The following NTM variants were observed in gnomAD, a reference collection of about 807,000 sequenced individuals.
NTM encodes the protein IgLON family member 2.
A neutral mutation model predicts 42.1 loss-of-function variants in NTM; 13 were observed. That is an observed-to-expected ratio of 0.31 (90% confidence interval 0.20 to 0.49). The LOEUF (loss-of-function observed/expected upper bound fraction) is 0.49. NTM is among the 20% of genes least tolerant of loss of function. The pLI is 0.99. For missense variants in NTM, 373 were observed against 452.8 expected (o/e 0.82, Z 1.60); for synonymous variants, 187 against 179.2 (o/e 1.04, Z -0.35).
intron 1 of NTM, among the ~76,000 whole-genome samples, chr11:131,464,368 G>GGC (rs918746412): frequency 2.0e-5 from 3 of 152,004 alleles, no homozygotes; most frequent in African/African-American, 7.3e-5. Context: ...CTGGGGGGGG[G>GGC]GCAGCAACAA....
chr11:131,634,394 CT>C (rs967413981), intron 1 of NTM, among the ~76,000 whole-genome samples: 53 of 104,988 alleles, frequency 5.0e-4, no homozygotes, highest in African/African-American at 1.4e-3. Context: ...TTCAAGCCCC[CT>C]GGAAAAAAAA....
At chr11:131,669,519 G>A (rs1291314610) in intron 1 of NTM, among the ~76,000 whole-genome samples, 1 of 152,204 alleles carries the variant, frequency 6.6e-6, no homozygotes, top group Non-Finnish European at 1.5e-5. Flanking sequence ...GAGCTGGAAG[G>A]CATGTTAGGG....
chr11:131,406,368 C>CTTTTT (rs1945816646), intron 1 of NTM, among the ~76,000 whole-genome samples: 1 of 152,180 alleles, frequency 6.6e-6, no homozygotes, highest in African/African-American at 2.4e-5. Context: ...ATTTAGTGGC[C>CTTTTT]ATATTAAAAT....
intron 2 of NTM, among the ~76,000 whole-genome samples, chr11:132,083,510 A>G (rs966870958): frequency 2.6e-5 from 4 of 152,216 alleles, no homozygotes; most frequent in East Asian, 1.9e-4. Context: ...AAATATACCT[A>G]TGAGTTGGGT....
At chr11:132,203,964 A>C (rs575746328) in intron 3 of NTM, among the ~76,000 whole-genome samples, 1 of 152,302 alleles carries the variant, frequency 6.6e-6, no homozygotes, top group East Asian at 1.9e-4. Context: ...ATGTCCTTGA[A>C]CAAGTTCCTT....
intron 1 of NTM, among the ~76,000 whole-genome samples, chr11:131,397,783 T>C (rs1173153528): frequency 1.3e-5 from 2 of 152,194 alleles, no homozygotes; most frequent in Admixed American, 6.5e-5. Flanking sequence ...TTCCAGTCTT[T>C]GTACGTGTCC....
intron 1 of NTM, among the ~76,000 whole-genome samples, chr11:131,844,053 T>C (rs1016906811): frequency 2.0e-5 from 3 of 152,164 alleles, no homozygotes; most frequent in Admixed American, 1.3e-4. Context: ...TTTTCTTTGA[T>C]GAGTTTGTGG....
intron 1 of NTM, among the ~76,000 whole-genome samples, chr11:131,540,109 A>G (rs1233105699): frequency 6.6e-6 from 1 of 151,278 alleles, no homozygotes; most frequent in Non-Finnish European, 1.5e-5. Context: ...TAGCAACTCA[A>G]CATTTCTGAA....
At chr11:132,078,073 C>T (rs922414626) in intron 2 of NTM, among the ~76,000 whole-genome samples, 2 of 152,108 alleles carry the variant, frequency 1.3e-5, no homozygotes, top group African/African-American at 4.8e-5. Flanking sequence ...ATTTTCTTGC[C>T]CCACACGAGG....
chr11:131,538,232 A>T (rs2052587903), intron 1 of NTM: 1 of 152,194 alleles, frequency 6.6e-6, no homozygotes, highest in African/African-American at 2.4e-5. Flanking sequence ...ACAGGACTGT[A>T]GAATGTTACA....
intron 2 of NTM, among the ~76,000 whole-genome samples, chr11:131,997,384 T>C (rs573744769): frequency 2.6e-5 from 4 of 152,192 alleles, no homozygotes; most frequent in Non-Finnish European, 2.9e-5. Context: ...TGCGGAACAC[T>C]GGGCCAGGCT....
At chr11:131,607,741 A>G (rs115336062) in intron 1 of NTM, among the ~76,000 whole-genome samples, 2,576 of 152,264 alleles carry the variant, frequency 0.017, 70 homozygotes, top group African/African-American at 0.058. Context: ...GAAATTGATG[A>G]TTGTTGTACG....
chr11:131,456,865 C>T (rs1565520193), intron 1 of NTM, among the ~76,000 whole-genome samples: 1 of 152,100 alleles, frequency 6.6e-6, no homozygotes, highest in African/African-American at 2.4e-5. Context: ...CCTAAGCTTC[C>T]TGTGCTTTCC....
intron 1 of NTM, among the ~76,000 whole-genome samples, chr11:131,892,523 C>T (rs1313818259): frequency 2.6e-5 from 4 of 152,188 alleles, no homozygotes; most frequent in Admixed American, 2.6e-4. Flanking sequence ...GTGCTTTGCC[C>T]CCTACTTTTC....
At chr11:131,484,545 G>T (rs570220516) in intron 1 of NTM, among the ~76,000 whole-genome samples, 1 of 152,292 alleles carries the variant, frequency 6.6e-6, no homozygotes, top group African/African-American at 2.4e-5. Context: ...AGGGGCAGAG[G>T]TGAAGAGAGG....
At chr11:132,314,891 A>C in intron 7 of NTM, 188 bp downstream of exon 7, 2 of 1,355,986 alleles carry the variant, frequency 1.5e-6, no homozygotes, top group Non-Finnish European at 1.9e-6. Flanking sequence ...GGGAGGAGGC[A>C]GACAGAAAGA....
intron 4 of NTM, among the ~76,000 whole-genome samples, chr11:132,295,597 A>G (rs188610853): frequency 4.5e-4 from 69 of 152,360 alleles, no homozygotes; most frequent in African/African-American, 1.4e-3. Context: ...ATAGTTTTGA[A>G]GGCTGCATAG....
chr11:131,912,006 G>A (rs2055165274), intron 2 of NTM, among the ~76,000 whole-genome samples: 1 of 152,190 alleles, frequency 6.6e-6, no homozygotes, highest in African/African-American at 2.4e-5. Context: ...GGGGCTCCCC[G>A]CGAGCAGTCT....
chr11:131,425,767 C>T (rs191829463), intron 1 of NTM, among the ~76,000 whole-genome samples: 29 of 152,142 alleles, frequency 1.9e-4, no homozygotes, highest in Admixed American at 1.7e-3. Flanking sequence ...TGTAGGATCA[C>T]TGGATATAAA....
Sources: gnomAD v4.1 joint callset for allele counts (sites outside exome capture counted in the v4.1 genomes callset) on GRCh38, gnomAD v4.1.1 for gene constraint, MANE v1.5 for transcripts, NCBI Gene and HGNC (gene_info 2026-07-23, HGNC 2026-07-21) for gene names.